The following UNC79 variants were observed in gnomAD, a reference collection of about 807,000 sequenced individuals.
The protein encoded by UNC79 is unc-79 subunit of NALCN channel complex.
In UNC79, 37 loss-of-function variants were observed where a neutral mutation model predicts 283.1. The ratio of observed to expected loss-of-function variants is 0.13; its 90% confidence interval spans 0.10 to 0.17. UNC79 has a LOEUF of 0.17. Ranked by LOEUF, UNC79 falls within the 10% of genes least tolerant of loss-of-function variation. The pLI, the probability that UNC79 is intolerant of heterozygous loss-of-function variation, is 1.00. For synonymous variants in UNC79, 1,107 were observed against 1,200.2 expected (o/e 0.92, Z 1.61); for missense variants, 2,272 against 3,211.1 (o/e 0.71, Z 7.07).
rs554289036 is a variant in UNC79 at position 93,602,446 on chromosome 14, G to A, written c.3575-793G>A. Among the ~76,000 whole-genome samples, 26 of 152,174 alleles carry A rather than the reference G, an allele frequency of 1.7e-4. No individual in the cohort carries two copies. In the East Asian group the frequency reaches 1.7e-3, roughly 10 times the overall value. The stretch of plus-strand genomic sequence containing the variant: ...GCTTTGTTTTTGGGTTCTCTATTCC[G>A]TTCCATTGGTCTACAAGCCTATTTT... On this transcript the variant is annotated intron_variant, in intron 25 of 48. Transcript: ENST00000555664.
chr14:93,599,539 A>G (rs1221821541), intron 24 of UNC79, among the ~76,000 whole-genome samples: 1 of 152,320 alleles, frequency 6.6e-6, no homozygotes, highest in East Asian at 1.9e-4. Context: ...TGACTTCTGA[A>G]TAGTTCTTCT....
intron 38 of UNC79, among the ~76,000 whole-genome samples, chr14:93,658,881 T>C (rs1047879693): frequency 7.9e-5 from 12 of 152,128 alleles, no homozygotes; most frequent in East Asian, 3.9e-4. Context: ...CATCCATCCA[T>C]CCACCCATCC....
chr14:93,544,015 T>G (rs1356912337), intron 14 of UNC79, among the ~76,000 whole-genome samples: 1 of 152,226 alleles, frequency 6.6e-6, no homozygotes, highest in Non-Finnish European at 1.5e-5. Context: ...TAAAGGAAAT[T>G]TCCCATTTTC....
At chr14:93,348,719 A>T (rs1402973200) in intron 1 of UNC79, among the ~76,000 whole-genome samples, 1 of 152,214 alleles carries the variant, frequency 6.6e-6, no homozygotes, top group Non-Finnish European at 1.5e-5. Context: ...AGAATCATAC[A>T]CATCTTTGAA....
At chr14:93,673,186 G>A (rs1301479810) in intron 40 of UNC79, among the ~76,000 whole-genome samples, 165 bp from the exon 44 acceptor site, 1 of 151,966 alleles carries the variant, frequency 6.6e-6, no homozygotes, top group Non-Finnish European at 1.5e-5. Flanking sequence ...ACACAAAAAT[G>A]CCTTTTTTTT....
chr14:93,607,709 G>A (rs1255371478), intron 26 of UNC79, among the ~76,000 whole-genome samples: 1 of 152,204 alleles, frequency 6.6e-6, no homozygotes, highest in Non-Finnish European at 1.5e-5. Context: ...TCCAAGTTCT[G>A]CCTCAGCCTG....
intron 40 of UNC79, among the ~76,000 whole-genome samples, chr14:93,671,859 A>G (rs1401160195): frequency 6.6e-6 from 1 of 152,182 alleles, no homozygotes; most frequent in East Asian, 1.9e-4. Context: ...ATCCCACTAA[A>G]CAGTGGGCAA....
chr14:93,567,982 G>A (rs878950202), intron 14 of UNC79, among the ~76,000 whole-genome samples: 1 of 152,186 alleles, frequency 6.6e-6, no homozygotes. Flanking sequence ...AGAGACAAAT[G>A]GTTGCATTCT....
chr14:93,444,310 T>C (rs1426070470), intron 1 of UNC79, among the ~76,000 whole-genome samples: 1 of 152,174 alleles, frequency 6.6e-6, no homozygotes, highest in East Asian at 1.9e-4. Context: ...TTTGATTGAG[T>C]CTTAAGGGTT....
At chr14:93,581,007 C>A (rs1271439839) in intron 19 of UNC79, among the ~76,000 whole-genome samples, 1 of 151,756 alleles carries the variant, frequency 6.6e-6, no homozygotes, top group African/African-American at 2.4e-5. Flanking sequence ...CCATGCCTGG[C>A]CAAATGTATG....
At chr14:93,595,369 C>A (rs973731595) in intron 23 of UNC79, among the ~76,000 whole-genome samples, 9 of 152,166 alleles carry the variant, frequency 5.9e-5, no homozygotes, top group Non-Finnish European at 2.9e-5. Context: ...AGATTACAGG[C>A]ATGAGCCACC....
At chr14:93,409,772 C>G (rs551899743) in intron 1 of UNC79, among the ~76,000 whole-genome samples, 2 of 152,182 alleles carry the variant, frequency 1.3e-5, no homozygotes, top group African/African-American at 4.8e-5. Flanking sequence ...TGAATAAAAA[C>G]AGTCAAGATA....
intron 40 of UNC79, among the ~76,000 whole-genome samples, chr14:93,668,866 AT>A (rs2072508318): frequency 6.7e-6 from 1 of 149,978 alleles, no homozygotes; most frequent in South Asian, 2.1e-4. Flanking sequence ...AAAAAAAAAA[AT>A]TATCCTCTAG....
At chr14:93,359,371 G>A (rs1020039774) in intron 1 of UNC79, among the ~76,000 whole-genome samples, 1 of 152,204 alleles carries the variant, frequency 6.6e-6, no homozygotes, top group Non-Finnish European at 1.5e-5. Flanking sequence ...ACAGATTTAT[G>A]AGGGCAGCAC....
chr14:93,613,215 G>A, intron 27 of UNC79, 132 bp downstream of exon 28: 1 of 1,182,348 alleles, frequency 8.5e-7, no homozygotes, highest in Non-Finnish European at 1.2e-6. Context: ...GCAGGAGTAT[G>A]TGGAGGGGAA....
intron 3 of UNC79, among the ~76,000 whole-genome samples, chr14:93,477,020 C>A (rs970937738): frequency 6.6e-6 from 1 of 152,186 alleles, no homozygotes; most frequent in African/African-American, 2.4e-5. Context: ...TTAGGTAGCA[C>A]TTCCTCCCAT....
At chr14:93,694,452 G>T (rs539295989) in intron 47 of UNC79, 40 bp downstream of exon 50, 1 of 1,545,354 alleles carries the variant, frequency 6.5e-7, no homozygotes, top group African/African-American at 1.4e-5. Context: ...ATTTCTTACT[G>T]CTAAAAACAA....
At chr14:93,636,176 G>A (rs773023473) in intron 31 of UNC79, among the ~76,000 whole-genome samples, 50 of 152,174 alleles carry the variant, frequency 3.3e-4, no homozygotes, top group Non-Finnish European at 6.8e-4. Flanking sequence ...TCTACATGAT[G>A]CCAAATAACC....
intron 23 of UNC79, among the ~76,000 whole-genome samples, chr14:93,596,974 C>T (rs2065126639): frequency 6.6e-6 from 1 of 152,194 alleles, no homozygotes. Flanking sequence ...GCACCTCCTA[C>T]CTCTCTGTTA....
Sources: allele counts gnomAD v4.1 joint callset (sites outside exome capture counted in the v4.1 genomes callset), GRCh38; gene constraint gnomAD v4.1.1; transcripts MANE v1.5; gene names NCBI Gene and HGNC (gene_info 2026-07-23, HGNC 2026-07-21).